Variants in DOP1A observed in about 807,000 individuals in gnomAD.
The protein encoded by DOP1A is DOP1 leucine zipper like protein A.
In DOP1A, 90 loss-of-function variants were observed where a neutral mutation model predicts 267.6. The ratio of observed to expected loss-of-function variants is 0.34; its 90% CI spans 0.28 to 0.40. DOP1A has a LOEUF of 0.40. Among genes scored for constraint, DOP1A ranks in the 10% least tolerant of loss-of-function variants. The pLI is 1.00. For missense variants in DOP1A, 2,437 were observed against 2,900.4 expected, an observed-to-expected ratio of 0.84 and a Z score of 3.67; for synonymous variants, 932 against 999.1, an observed-to-expected ratio of 0.93 and a Z score of 1.27.
At position 83,135,827 on chromosome 6, in the gene DOP1A, C is replaced by T; in HGVS notation, c.3079C>T (p.Pro1027Ser). Residue 1027 changes from proline (P) to serine (S), a missense_variant, in exon 20 of 39, where the codon CCA becomes TCA. By Grantham distance (74) the Pro-to-Ser change is moderately conservative. Around this residue, in one of 9 missense-constraint regions of DOP1A, gnomAD observed 878 missense variants for 992.9 expected, o/e 0.88. Transcript: ENST00000349129. ...TTATTGGAATAAGTCTCCCTGTTAT[C>T]CAGGAGAGGAGAGTGACAAGCATTT... is the stretch of plus-strand genomic sequence containing the variant. ...ERYWNKSPCY[P>S]GEESDKHFMQ... 1 of 1,613,540 alleles carries T rather than the reference C, an allele frequency of 6.2e-7. No individual in the cohort carries two copies. The highest frequency in any genetic ancestry group is 1.7e-5 in the Admixed American group (1 of 59,972).
chr6:83,146,853 G>T (rs1780717048), intron 25 of DOP1A, among the ~76,000 whole-genome samples: 1 of 152,112 alleles, frequency 6.6e-6, no homozygotes, highest in Admixed American at 6.5e-5. Context: ...TGTGTAATAA[G>T]ACTCAAATAC....
In DOP1A at chr6:83,135,748, C is replaced by T. The variant is rs754804305; in HGVS notation, c.3000C>T (p.Leu1000=). The T allele has an allele frequency of 6.2e-7, 1 of 1,613,548 alleles. No homozygotes were observed. The highest frequency in any genetic ancestry group is 1.3e-5 in the African/African-American group (1 of 74,920). Reference sequence around the variant, plus strand: ...GAGTTTTGGAACCATTGCTATTGCTCCTGCTTCATCCAAAAACTCAGAGGG... The same window carrying T: ...GAGTTTTGGAACCATTGCTATTGCTTCTGCTTCATCCAAAAACTCAGAGGG... ...IARVLEPLLL[L]LLHPKTQRVS... Residue 1000 remains leucine (L), a synonymous_variant, in exon 20 of 39, where the codon CTC becomes CTT. Coordinates refer to ENST00000349129, the MANE Select transcript of DOP1A (RefSeq NM_015018.4).
intron 12 of DOP1A, 45 bp from the exon 13 acceptor site, chr6:83,124,660 C>T (rs778479495): frequency 5.1e-6 from 7 of 1,365,186 alleles, no homozygotes; most frequent in South Asian, 3.6e-5. Flanking sequence ...CAGGTATTCA[C>T]ATCACTTGAC....
chr6:83,130,989 C>T (rs1483986997), intron 17 of DOP1A, among the ~76,000 whole-genome samples: 1 of 152,116 alleles, frequency 6.6e-6, no homozygotes, highest in African/African-American at 2.4e-5. Flanking sequence ...CTGCCCGCCT[C>T]AGCCTCCCAA....
chr6:83,072,749 T>A (rs1265983456), intron 1 of DOP1A, among the ~76,000 whole-genome samples: 3 of 152,230 alleles, frequency 2.0e-5, no homozygotes, highest in Non-Finnish European at 4.4e-5. Context: ...TACTATAAAG[T>A]ATCAGCTACC....
intron 37 of DOP1A, among the ~76,000 whole-genome samples, chr6:83,162,161 A>T (rs949091204): frequency 1.3e-5 from 2 of 152,182 alleles, no homozygotes. Flanking sequence ...GAAGCTGACA[A>T]CATTGATGAA....
intron 23 of DOP1A, among the ~76,000 whole-genome samples, chr6:83,140,824 G>A (rs539586494): frequency 1.3e-5 from 2 of 151,804 alleles, no homozygotes; most frequent in South Asian, 2.1e-4. Context: ...CTTCTTTCAC[G>A]TGACATATTT....
At chr6:83,093,740 T>C (rs1770910444) in intron 1 of DOP1A, among the ~76,000 whole-genome samples, 2 of 152,064 alleles carry the variant, frequency 1.3e-5, no homozygotes, top group South Asian at 4.1e-4. Context: ...ACCCCATCTC[T>C]ACTAAAAATA....
intron 1 of DOP1A, among the ~76,000 whole-genome samples, chr6:83,080,287 T>C (rs1040223673): frequency 1.3e-5 from 2 of 152,216 alleles, no homozygotes; most frequent in Non-Finnish European, 2.9e-5. Flanking sequence ...TTTTACATTA[T>C]CCACACAACT....
intron 1 of DOP1A, among the ~76,000 whole-genome samples, chr6:83,081,361 C>T (rs571913092): frequency 1.2e-4 from 19 of 152,294 alleles, no homozygotes; most frequent in African/African-American, 4.1e-4. Flanking sequence ...CCCACCTCAA[C>T]CTCCCAAAGT....
chr6:83,129,383 C>T lies in DOP1A; in HGVS notation c.2216C>T (p.Thr739Ile). ...VKEKNISKQK[T>I]SKEYLSAFLA... Reference sequence around the variant, plus strand: ...GAGAAAAACATAAGTAAACAAAAAACTTCTAAAGAATACCTGTCTGCCTTC... The same window carrying T: ...GAGAAAAACATAAGTAAACAAAAAATTTCTAAAGAATACCTGTCTGCCTTC... The change falls in exon 16 of 39, where the codon ACT becomes ATT. Residue 739 changes from threonine to isoleucine, a missense_variant. By Grantham distance (89) the Thr-to-Ile change is moderately conservative (BLOSUM62 -1). This residue lies in a region of DOP1A where 498 missense variants were observed against 513.5 expected (regional missense o/e 0.97). Coordinates refer to ENST00000349129, the MANE Select transcript of DOP1A (RefSeq NM_015018.4). The T allele has an allele frequency of 6.2e-7, 1 of 1,611,580 alleles. No homozygotes were observed. The highest frequency in any genetic ancestry group is 2.2e-5 in the East Asian group (1 of 44,844).
chr6:83,135,851 T>G lies in DOP1A; in HGVS notation c.3103T>G (p.Phe1035Val). The G allele has an allele frequency of 1.2e-6, 2 of 1,613,530 alleles. No homozygotes were observed. The highest frequency in any genetic ancestry group is 1.7e-6 in the Non-Finnish European group (2 of 1,179,602). Residue 1035 changes from phenylalanine to valine, a missense_variant, in exon 20 of 39, where the codon TTC (phenylalanine) becomes GTC (valine). Coordinates refer to ENST00000349129, the MANE Select transcript of DOP1A (RefSeq NM_015018.4). ...TCCAGGAGAGGAGAGTGACAAGCAT[T>G]TCATGCAAAATTTTGCCTGCAGCAA... Reference protein sequence around the residue: ...CYPGEESDKHFMQNFACSNVS... With the variant: ...CYPGEESDKHVMQNFACSNVS...
chr6:83,129,007 G>A lies in DOP1A; in HGVS notation c.1840G>A (p.Asp614Asn). Reference protein sequence around the residue: ...EFIQYQADRTDDIDRELSEGQ... With the variant: ...EFIQYQADRTNDIDRELSEGQ... Reference sequence around the variant, plus strand: ...TATACAATATCAAGCAGACCGAACTGATGATATTGACAGAGAACTGAGTGA... The same window carrying A: ...TATACAATATCAAGCAGACCGAACTAATGATATTGACAGAGAACTGAGTGA... The change falls in exon 16 of 39, where the codon GAT (aspartate) becomes AAT (asparagine). Residue 614 changes from aspartate (D) to asparagine (N), a missense_variant. By Grantham distance (23) the Asp-to-Asn change is conservative. Transcript: ENST00000349129. The A allele has an allele frequency of 6.2e-7, 1 of 1,613,596 alleles. No homozygotes were observed. Among genetic ancestry groups the A allele is most frequent in the South Asian group, 1.1e-5 (1 of 90,976 alleles).
chr6:83,090,082 C>T (rs986958500), intron 1 of DOP1A, among the ~76,000 whole-genome samples: 1 of 152,122 alleles, frequency 6.6e-6, no homozygotes, highest in African/African-American at 2.4e-5. Flanking sequence ...AACTTACTAC[C>T]CCTCTTAATT....
intron 7 of DOP1A, among the ~76,000 whole-genome samples, chr6:83,117,001 G>A (rs1023208133): frequency 1.3e-4 from 20 of 152,046 alleles, no homozygotes; most frequent in Middle Eastern, 6.9e-3. Context: ...GTAATTCTTC[G>A]GGTAAAAATG....
At chr6:83,120,595 T>A in intron 9 of DOP1A, 88 bp from the exon 10 acceptor site, 1 of 1,101,662 alleles carries the variant, frequency 9.1e-7, no homozygotes, top group Non-Finnish European at 1.3e-6. Context: ...CTCCGTTATA[T>A]ATGGTTGCAT....
intron 24 of DOP1A, 52 bp downstream of exon 24, chr6:83,142,098 G>A (rs1485828460): frequency 3.8e-6 from 6 of 1,592,532 alleles, no homozygotes; most frequent in Non-Finnish European, 5.1e-6. Flanking sequence ...GTGAGTACAT[G>A]CTAATTTCCA....
At chr6:83,114,301 A>T (rs1775049599) in intron 7 of DOP1A, among the ~76,000 whole-genome samples, 1 of 152,134 alleles carries the variant, frequency 6.6e-6, no homozygotes, top group African/African-American at 2.4e-5. Context: ...CTCTGTTTCT[A>T]TTTTGAGACT....
chr6:83,081,611 ATGT>A, intron 1 of DOP1A, among the ~76,000 whole-genome samples: 1 of 152,222 alleles, frequency 6.6e-6, no homozygotes, highest in African/African-American at 2.4e-5. Context: ...AAGAAAAGCT[ATGT>A]GACATTGATC....
Sources: allele counts gnomAD v4.1 joint callset (sites outside exome capture counted in the v4.1 genomes callset), GRCh38; gene constraint gnomAD v4.1.1; regional missense constraint gnomAD v4.1.1; transcripts MANE v1.5; gene names NCBI Gene and HGNC (gene_info 2026-07-23, HGNC 2026-07-21).